Variants in CNTNAP2 observed in about 807,000 individuals in gnomAD.
The protein encoded by CNTNAP2 is contactin associated protein 2.
Under a neutral mutation model 155.2 loss-of-function variants are expected in CNTNAP2, and 98 were observed. That is an observed-to-expected ratio of 0.63 (90% CI 0.54 to 0.75). CNTNAP2 has a LOEUF of 0.75. CNTNAP2 is among the 30% of genes least tolerant of loss of function. The pLI, the probability that CNTNAP2 is intolerant of heterozygous loss-of-function variation, is 0.00. For synonymous variants in CNTNAP2, 651 were observed against 631.2 expected (o/e 1.03, Z -0.47); for missense variants, 1,727 against 1,688.1 (o/e 1.02, Z -0.40).
chr7:146,240,172 G>A, intron 1 of CNTNAP2, among the ~76,000 whole-genome samples: 1 of 152,068 alleles, frequency 6.6e-6, no homozygotes. Flanking sequence ...TGAAGCTCCT[G>A]CCTAAATTTT....
chr7:147,987,027 A>C (rs1220305076), intron 15 of CNTNAP2, among the ~76,000 whole-genome samples: 1 of 152,056 alleles, frequency 6.6e-6, no homozygotes, highest in African/African-American at 2.4e-5. Context: ...CCCAGCCTTC[A>C]CTGCTATTGC....
At chr7:146,798,233 G>A (rs111297472) in intron 2 of CNTNAP2, among the ~76,000 whole-genome samples, 4,428 of 151,704 alleles carry the variant, frequency 0.029, 235 homozygotes, top group African/African-American at 0.1. Flanking sequence ...AGTGGTGATC[G>A]TGCCACTGCA....
chr7:147,686,422 T>A (rs142300895), intron 13 of CNTNAP2, among the ~76,000 whole-genome samples: 82 of 152,172 alleles, frequency 5.4e-4, no homozygotes, highest in African/African-American at 1.9e-3. Context: ...TACTACTCAA[T>A]CTATTGAGTA....
intron 3 of CNTNAP2, among the ~76,000 whole-genome samples, chr7:146,932,139 G>C (rs546653702): frequency 7.9e-5 from 12 of 152,190 alleles, no homozygotes; most frequent in East Asian, 3.9e-4. Flanking sequence ...AACCAAAAAA[G>C]AGAATTTTAG....
At chr7:146,664,586 T>C (rs967628853) in intron 1 of CNTNAP2, among the ~76,000 whole-genome samples, 1 of 152,256 alleles carries the variant, frequency 6.6e-6, no homozygotes, top group Non-Finnish European at 1.5e-5. Flanking sequence ...TTCATATTCA[T>C]GAAATATATT....
chr7:148,188,973 C>T (rs1795162768), intron 18 of CNTNAP2, among the ~76,000 whole-genome samples: 2 of 152,020 alleles, frequency 1.3e-5, no homozygotes, highest in South Asian at 2.1e-4. Flanking sequence ...GTAAATAATA[C>T]TGCAGTAAAT....
At chr7:147,013,052 T>C (rs1325394937) in intron 3 of CNTNAP2, among the ~76,000 whole-genome samples, 1 of 152,144 alleles carries the variant, frequency 6.6e-6, no homozygotes, top group East Asian at 1.9e-4. Context: ...CAAACAAGCA[T>C]AATCCAAATA....
chr7:146,271,587 C>A (rs6972197), intron 1 of CNTNAP2, among the ~76,000 whole-genome samples: 67 of 151,798 alleles, frequency 4.4e-4, no homozygotes, highest in Non-Finnish European at 8.0e-4. Flanking sequence ...AAACATACTT[C>A]ATAATGTTAA....
chr7:147,910,493 C>T (rs10238572), intron 14 of CNTNAP2, among the ~76,000 whole-genome samples: 77,510 of 151,936 alleles, frequency 0.51, 20,301 homozygotes, highest in Middle Eastern at 0.69. Context: ...ACTTTAGACT[C>T]ATCCTTAGGA....
intron 4 of CNTNAP2, among the ~76,000 whole-genome samples, chr7:147,056,535 A>G (rs1401671494): frequency 1.3e-5 from 2 of 152,180 alleles, no homozygotes; most frequent in Non-Finnish European, 2.9e-5. Context: ...AGCCTCGGTC[A>G]TTAATCTCTA....
At chr7:147,025,956 C>A (rs1798911569) in intron 3 of CNTNAP2, among the ~76,000 whole-genome samples, 1 of 151,754 alleles carries the variant, frequency 6.6e-6, no homozygotes, top group Non-Finnish European at 1.5e-5. Context: ...GCCTCCTGGG[C>A]TCAAGCAATT....
At chr7:146,630,808 A>C (rs1376073140) in intron 1 of CNTNAP2, among the ~76,000 whole-genome samples, 1 of 152,104 alleles carries the variant, frequency 6.6e-6, no homozygotes, top group African/African-American at 2.4e-5. Context: ...AGTGATCACA[A>C]TTGCTACAAA....
intron 3 of CNTNAP2, among the ~76,000 whole-genome samples, chr7:146,904,718 A>G (rs934487029): frequency 3.3e-5 from 5 of 152,018 alleles, no homozygotes; most frequent in Middle Eastern, 3.2e-3. Context: ...TGATCCGCCC[A>G]CCTCGGCCTC....
At chr7:147,698,697 G>A (rs851724) in intron 13 of CNTNAP2, among the ~76,000 whole-genome samples, 82,719 of 151,832 alleles carry the variant, frequency 0.54, 24,452 homozygotes, top group African/African-American at 0.78. Context: ...GTTATCTGGG[G>A]CTAGAGGTGT....
intron 2 of CNTNAP2, among the ~76,000 whole-genome samples, chr7:146,827,966 C>A (rs1159415753): frequency 6.6e-6 from 1 of 151,954 alleles, no homozygotes; most frequent in Non-Finnish European, 1.5e-5. Context: ...GACTTCATTT[C>A]TGTGAATAAA....
At chr7:146,352,750 G>GTTGTT (rs1554421455) in intron 1 of CNTNAP2, among the ~76,000 whole-genome samples, 1 of 64,338 alleles carries the variant, frequency 1.6e-5, no homozygotes, top group African/African-American at 6.4e-5. Context: ...GCATAATTCT[G>GTTGTT]TTTTTTTTTT....
intron 3 of CNTNAP2, among the ~76,000 whole-genome samples, chr7:147,039,764 T>C (rs1174026774): frequency 6.6e-6 from 1 of 152,190 alleles, no homozygotes; most frequent in Non-Finnish European, 1.5e-5. Flanking sequence ...CTTTCCACAA[T>C]GGTTAAACTA....
At chr7:146,476,637 A>G (rs1282576735) in intron 1 of CNTNAP2, among the ~76,000 whole-genome samples, 2 of 152,162 alleles carry the variant, frequency 1.3e-5, no homozygotes, top group Non-Finnish European at 2.9e-5. Flanking sequence ...TGAAGATTCT[A>G]CCTAGAATGA....
At chr7:147,704,000 C>T (rs1474894319) in intron 13 of CNTNAP2, among the ~76,000 whole-genome samples, 2 of 152,104 alleles carry the variant, frequency 1.3e-5, no homozygotes, top group East Asian at 3.9e-4. Flanking sequence ...AAGATAATAA[C>T]TCCAGTTCCA....
Sources: allele counts gnomAD v4.1 joint callset (sites outside exome capture counted in the v4.1 genomes callset), GRCh38; gene constraint gnomAD v4.1.1; transcripts MANE v1.5; gene names NCBI Gene and HGNC (gene_info 2026-07-23, HGNC 2026-07-21).